TMEM117: variants seen among roughly 807,000 people sequenced by gnomAD.
The protein encoded by TMEM117 is transmembrane protein 117.
In TMEM117, 27 loss-of-function variants were observed where a neutral mutation model predicts 52.4. The ratio of observed to expected loss-of-function variants is 0.51; its 90% CI spans 0.38 to 0.71. The LOEUF is 0.71. Among genes scored for constraint, TMEM117 ranks in the 30% least tolerant of loss-of-function variants. The pLI, the probability that TMEM117 is intolerant of heterozygous loss-of-function variation, is 0.00. For synonymous variants in TMEM117, 215 were observed against 206.3 expected (o/e 1.04, Z -0.36); for missense variants, 556 against 630.5 (o/e 0.88, Z 1.26).
chr12:43,897,754 G>A (rs1454874802), intron 2 of TMEM117, among the ~76,000 whole-genome samples: 5 of 145,954 alleles, frequency 3.4e-5, no homozygotes, highest in African/African-American at 1.0e-4. Flanking sequence ...CCACAGGCGC[G>A]TGCCACCATG....
chr12:44,311,189 A>G (rs116834673), intron 6 of TMEM117, among the ~76,000 whole-genome samples: 7,288 of 152,130 alleles, frequency 0.048, 355 homozygotes, highest in African/African-American at 0.12. Flanking sequence ...GTATATATAT[A>G]TATGTATATA....
At chr12:44,028,533 A>G (rs1946580025) in intron 3 of TMEM117, among the ~76,000 whole-genome samples, 1 of 152,192 alleles carries the variant, frequency 6.6e-6, no homozygotes, top group African/African-American at 2.4e-5. Context: ...AAAACCCACC[A>G]AAACCAAGAT....
At chr12:44,025,648 A>G (rs1391760261) in intron 3 of TMEM117, among the ~76,000 whole-genome samples, 1 of 152,204 alleles carries the variant, frequency 6.6e-6, no homozygotes, top group East Asian at 1.9e-4. Flanking sequence ...ATTTTCGAAA[A>G]AAAATGTTGC....
chr12:43,852,015 C>G (rs550479609), intron 2 of TMEM117, among the ~76,000 whole-genome samples: 2 of 152,282 alleles, frequency 1.3e-5, no homozygotes, highest in Admixed American at 1.3e-4. Flanking sequence ...TAACATTTAA[C>G]CAGCTGGGCG....
intron 5 of TMEM117, among the ~76,000 whole-genome samples, chr12:44,214,408 T>C (rs1236340230): frequency 6.6e-6 from 1 of 152,104 alleles, no homozygotes; most frequent in African/African-American, 2.4e-5. Flanking sequence ...CCACAGATGA[T>C]CCACCCACCT....
intron 5 of TMEM117, among the ~76,000 whole-genome samples, chr12:44,267,240 A>C (rs1198046039): frequency 6.6e-6 from 1 of 151,990 alleles, no homozygotes; most frequent in African/African-American, 2.4e-5. Flanking sequence ...ATTATGTTAC[A>C]TTTATTTTTA....
At position 43,906,131 on chromosome 12, in the gene TMEM117, T is replaced by C. The variant is rs138976321; in HGVS notation, c.278-38079T>C. The stretch of plus-strand genomic sequence containing the variant: ...ATTTCTATTAACACATTCATACTTG[T>C]GCAATACATTTTAGATGAGTTCAAT... On this transcript the variant is annotated intron_variant, in intron 2 of 7. Coordinates refer to ENST00000266534, the MANE Select transcript of TMEM117 (RefSeq NM_032256.3). Among the ~76,000 whole-genome samples, 5 of 152,288 alleles carry C rather than the reference T, an allele frequency of 3.3e-5. No individual in the cohort carries two copies. The East Asian group carries it at 9.6e-4, about 29-fold the overall frequency.
intron 6 of TMEM117, among the ~76,000 whole-genome samples, chr12:44,300,013 AG>A (rs1950819460): frequency 6.6e-6 from 1 of 152,234 alleles, no homozygotes; most frequent in East Asian, 1.9e-4. Context: ...CCTAGGCTTT[AG>A]GGGGAAAAAA....
intron 6 of TMEM117, among the ~76,000 whole-genome samples, chr12:44,313,560 C>A (rs920705402): frequency 6.6e-6 from 1 of 152,116 alleles, no homozygotes; most frequent in Non-Finnish European, 1.5e-5. Context: ...TGGCTTTGTT[C>A]TTTTTGCTTA....
At chr12:44,092,970 G>A (rs1354167767) in intron 3 of TMEM117, among the ~76,000 whole-genome samples, 2 of 152,144 alleles carry the variant, frequency 1.3e-5, no homozygotes, top group South Asian at 2.1e-4. Context: ...GTGGGGTTTG[G>A]AGCAGAAAAA....
intron 3 of TMEM117, among the ~76,000 whole-genome samples, chr12:44,064,914 G>C (rs957882666): frequency 2.0e-5 from 3 of 152,038 alleles, no homozygotes; most frequent in Non-Finnish European, 4.4e-5. Context: ...TACAAAAAAG[G>C]GGGGGTAACT....
At chr12:43,797,132 T>G in the TMEM117 span, 15 of 1,546,018 alleles carry the variant, frequency 9.7e-6, no homozygotes, top group South Asian at 1.7e-4. Context: ...ATAATTAGCA[T>G]ATCAATACAT....
At chr12:44,336,965 A>G (rs1242574824) in intron 6 of TMEM117, among the ~76,000 whole-genome samples, 1 of 152,030 alleles carries the variant, frequency 6.6e-6, no homozygotes, top group Admixed American at 6.6e-5. Flanking sequence ...TTAAACGTGT[A>G]AGAAATAAGA....
intron 2 of TMEM117, among the ~76,000 whole-genome samples, chr12:43,854,999 G>T (rs1454243004): frequency 6.6e-6 from 1 of 152,158 alleles, no homozygotes; most frequent in Non-Finnish European, 1.5e-5. Context: ...TAGAGCATTT[G>T]CCTTTATTTA....
At chr12:44,056,159 G>A (rs911284619) in intron 3 of TMEM117, among the ~76,000 whole-genome samples, 4 of 151,930 alleles carry the variant, frequency 2.6e-5, no homozygotes, top group Admixed American at 2.6e-4. Context: ...GAGTTCAGTG[G>A]CATAATCATA....
intron 3 of TMEM117, among the ~76,000 whole-genome samples, chr12:44,038,001 A>C (rs144439344): frequency 6.6e-6 from 1 of 152,036 alleles, no homozygotes; most frequent in Non-Finnish European, 1.5e-5. Context: ...TGCAGATGGG[A>C]GCTACCCACT....
At position 44,299,629 on chromosome 12, in the gene TMEM117, G is replaced by A; in HGVS notation, c.658G>A (p.Asp220Asn). 6.2e-7 allele frequency: 1 copy of A among 1,614,184 alleles called. No individual in the cohort carries two copies. Residue 220 changes from aspartate (D) to asparagine (N), a missense_variant, in exon 6 of 8, where the codon GAC becomes AAC. Around this residue, in one of 3 missense-constraint regions of TMEM117, gnomAD observed 328 missense variants for 371.4 expected, o/e 0.88. Coordinates refer to ENST00000266534, the MANE Select transcript of TMEM117 (RefSeq NM_032256.3). ...TSVVVLVITT[D>N]WISWDKLNRG... ...TGTGGTTGTACTTGTGATTACAACG[G>A]ACTGGATCAGCTGGGACAAGCTGAA... is the stretch of plus-strand genomic sequence containing the variant.
chr12:44,223,124 TTGTACAGA>T (rs1224937830), intron 5 of TMEM117, among the ~76,000 whole-genome samples: 214 of 151,950 alleles, frequency 1.4e-3, no homozygotes, highest in African/African-American at 4.9e-3. Flanking sequence ...ATGGGGTTTG[TTGTACAGA>T]TTATTTCAGT....
intron 3 of TMEM117, among the ~76,000 whole-genome samples, chr12:44,115,048 T>C (rs960513652): frequency 1.3e-5 from 2 of 152,226 alleles, no homozygotes; most frequent in African/African-American, 4.8e-5. Flanking sequence ...GCTGTATACA[T>C]GAACTATTTC....
Sources: allele counts gnomAD v4.1 joint callset (sites outside exome capture counted in the v4.1 genomes callset), GRCh38; gene constraint gnomAD v4.1.1; regional missense constraint gnomAD v4.1.1; transcripts MANE v1.5; gene names NCBI Gene and HGNC (gene_info 2026-07-23, HGNC 2026-07-21).